FPR2: variants seen among roughly 807,000 people sequenced by gnomAD.
FPR2 encodes the protein N-formyl peptide receptor 2.
A neutral mutation model predicts 4.0 loss-of-function variants in FPR2; 3 were observed. That is an observed-to-expected ratio of 0.74 (90% CI 0.34 to 1.92). The LOEUF (loss-of-function observed/expected upper bound fraction) is 1.92. Ranked by LOEUF, FPR2 falls within the 30% of genes most tolerant of loss-of-function variation. The pLI is 0.07. For missense variants in FPR2, 372 were observed against 435.7 expected (o/e 0.85, Z 1.30); for synonymous variants, 179 against 171.5 (o/e 1.04, Z -0.34).
chr19:51,765,008 G>A (rs1431026993), intron 1 of FPR2, among the ~76,000 whole-genome samples: 2 of 152,122 alleles, frequency 1.3e-5, no homozygotes, highest in African/African-American at 4.8e-5. Context: ...TGTATTTTTA[G>A]TAGAGACAGG....
chr19:51,770,293 T>C lies in FPR2; in HGVS notation c.*579T>C. On this transcript the variant is annotated 3_prime_UTR_variant, in exon 2 of 2. Transcript: ENST00000340023. ...TTGAATTCCTGGAATAAACCACACT[T>C]AGTCCTGATGTACTTTAAATATTTA... 6.0e-6 allele frequency: 1 copy of C among 167,742 alleles called. No homozygotes were observed. The allele number at this position is 167,742 out of a possible 1,614,324, so 10.4% of individuals were successfully genotyped here. A position where few individuals can be genotyped will look rare whatever the true frequency, so the allele number is the denominator to read the frequency against.
intron 1 of FPR2, chr19:51,763,242 A>C (rs1004787485): frequency 1.3e-5 from 2 of 152,212 alleles, no homozygotes; most frequent in Admixed American, 1.3e-4. Context: ...GACACTCCTA[A>C]ATTTAGAGTC....
intron 1 of FPR2, among the ~76,000 whole-genome samples, chr19:51,766,742 C>T (rs72483942): frequency 0.079 from 12,048 of 152,106 alleles, 586 homozygotes; most frequent in South Asian, 0.17. Context: ...ATGAATTCCC[C>T]CAGATGTGAT....
In FPR2 at chr19:51,768,893, C is replaced by G; in HGVS notation, c.235C>G (p.Pro79Ala). The G allele has an allele frequency of 6.2e-7, 1 of 1,614,192 alleles. No homozygotes were observed. Among genetic ancestry groups the G allele is most frequent in the Non-Finnish European group, 8.5e-7 (1 of 1,180,026 alleles). Residue 79 changes from proline to alanine, a missense_variant, in exon 2 of 2, where the codon CCA (proline) becomes GCA (alanine). Transcript: ENST00000340023. ...LADFSFTATL[P>A]FLIVSMAMGE... ...TGACTTTTCTTTCACGGCCACATTACCATTCCTCATTGTCTCCATGGCCAT... is the reference window on the plus strand; with the variant it reads ...TGACTTTTCTTTCACGGCCACATTAGCATTCCTCATTGTCTCCATGGCCAT...
rs374503176 is a variant in FPR2, at chr19:51,769,291, C to T, written c.633C>T (p.Ser211=). Residue 211 remains serine (S), a synonymous_variant, in exon 2 of 2, where the codon AGC becomes AGT. Transcript: ENST00000340023. The surrounding 1 kb of genome is among the most constrained non-coding windows in gnomAD (Gnocchi z 4.4). ...RGIIRFVIGF[S]LPMSIVAICY... is the part of the protein sequence containing the mutation. ...TTATCCGGTTTGTCATTGGCTTTAGCTTGCCGATGTCCATTGTTGCCATCT... is the reference window on the plus strand; with the variant it reads ...TTATCCGGTTTGTCATTGGCTTTAGTTTGCCGATGTCCATTGTTGCCATCT... 1.3e-5 allele frequency: 21 copies of T among 1,614,098 alleles called. No individual in the cohort carries two copies. The highest frequency in any genetic ancestry group is 1.6e-5 in the Non-Finnish European group (19 of 1,180,052).
In FPR2 at chr19:51,769,068, G is replaced by A. The variant is rs144927349; in HGVS notation, c.410G>A (p.Arg137His). Residue 137 changes from arginine to histidine, a missense_variant, in exon 2 of 2, where the codon CGC becomes CAC. By Grantham distance (29) the Arg-to-His change is conservative. Coordinates refer to ENST00000340023, the MANE Select transcript of FPR2 (RefSeq NM_001005738.2). The surrounding 1 kb of genome is among the most constrained non-coding windows in gnomAD (Gnocchi z 4.4). ...VLHPVWAQNH[R>H]TVSLAMKVIV... ...CATCCAGTCTGGGCCCAGAACCACC[G>A]CACTGTGAGTCTGGCCATGAAGGTG... 299 of 1,614,160 alleles carry A rather than the reference G, an allele frequency of 1.9e-4. No individual in the cohort carries two copies. Among genetic ancestry groups the A allele is most frequent in the Non-Finnish European group, 2.3e-4 (272 of 1,180,044 alleles).
At position 51,767,647 on chromosome 19, in the gene FPR2, C is replaced by T. The variant is rs926335965; in HGVS notation, c.-14-998C>T. On this transcript the variant is annotated intron_variant, in intron 1 of 1. Transcript: ENST00000340023. ...TGGGGAACCGTTGCTGGGTGGGCAA[C>T]CAGCAATATCTGTCAAGCGTAAGGG... Among the ~76,000 whole-genome samples, 11 of 152,138 alleles carry T rather than the reference C, an allele frequency of 7.2e-5. 1 individual carries two copies. Among genetic ancestry groups the T allele is most frequent in the East Asian group, 1.9e-4 (1 of 5,160 alleles).
chr19:51,763,443 T>C (rs540184542), intron 1 of FPR2: 1 of 152,272 alleles, frequency 6.6e-6, no homozygotes, highest in East Asian at 1.9e-4. Flanking sequence ...GATATTGAGA[T>C]AAGAACCAAT....
rs1284273058 is a variant in FPR2, at chr19:51,769,328, A to G, written c.670A>G (p.Ile224Val). 5 of 1,614,154 alleles carry G rather than the reference A, an allele frequency of 3.1e-6. No individual in the cohort carries two copies. The highest frequency in any genetic ancestry group is 1.3e-5 in the African/African-American group (1 of 75,030). Residue 224 changes from isoleucine to valine, a missense_variant, in exon 2 of 2, where the codon ATT (isoleucine) becomes GTT (valine). Ile to Val is a conservative substitution (Grantham distance 29). Coordinates refer to ENST00000340023, the MANE Select transcript of FPR2 (RefSeq NM_001005738.2). The surrounding 1 kb of genome is among the most constrained non-coding windows in gnomAD (Gnocchi z 4.4). ...CATTGTTGCCATCTGCTATGGGCTC[A>G]TTGCAGCCAAGATCCACAAAAAGGG... ...MSIVAICYGL[I>V]AAKIHKKGMI... is the part of the protein sequence containing the mutation.
At chr19:51,766,910 G>A (rs1282377837) in intron 1 of FPR2, among the ~76,000 whole-genome samples, 1 of 152,204 alleles carries the variant, frequency 6.6e-6, no homozygotes, top group Non-Finnish European at 1.5e-5. Flanking sequence ...ATTCTAGAAT[G>A]AGATTTATGG....
rs2083885267 is a variant in FPR2, at chr19:51,769,116, C to T, written c.458C>T (p.Ala153Val). Residue 153 changes from alanine to valine, a missense_variant, in exon 2 of 2, where the codon GCT becomes GTT. Ala to Val is a moderately conservative substitution (Grantham distance 64). Coordinates refer to ENST00000340023, the MANE Select transcript of FPR2 (RefSeq NM_001005738.2). This position sits in a 1 kb window ranked among gnomAD's most constrained non-coding sequence, Gnocchi z 4.4. ...GTGATCGTCGGACCTTGGATTCTTG[C>T]TCTAGTCCTTACCTTGCCAGTTTTC... ...MKVIVGPWIL[A>V]LVLTLPVFLF... The T allele has an allele frequency of 6.2e-7, 1 of 1,614,196 alleles. No homozygotes were observed.
chr19:51,769,281 T>C lies in FPR2; in HGVS notation c.623T>C (p.Ile208Thr). 1.9e-6 allele frequency: 3 copies of C among 1,614,228 alleles called. No homozygotes were observed. Among genetic ancestry groups the C allele is most frequent in the Non-Finnish European group, 1.7e-6 (2 of 1,180,042 alleles). ...LTARGIIRFV[I>T]GFSLPMSIVA... ...GCCAGAGGGATTATCCGGTTTGTCA[T>C]TGGCTTTAGCTTGCCGATGTCCATT... Residue 208 changes from isoleucine (I) to threonine (T), a missense_variant, in exon 2 of 2, where the codon ATT becomes ACT. Physicochemically the swap from Ile to Thr is moderately conservative, Grantham distance 89 (BLOSUM62 -1). Coordinates refer to ENST00000340023, the MANE Select transcript of FPR2 (RefSeq NM_001005738.2). This position sits in a 1 kb window ranked among gnomAD's most constrained non-coding sequence, Gnocchi z 4.4.
Position 51,769,575 on chromosome 19 carries a change from G to T in FPR2, c.917G>T (p.Gly306Val). The T allele has an allele frequency of 6.2e-7, 1 of 1,614,128 alleles. No individual in the cohort carries two copies. Among genetic ancestry groups the T allele is most frequent in the Non-Finnish European group, 8.5e-7 (1 of 1,180,028 alleles). ...AACCCCATGCTTTACGTCTTTGTGG[G>T]CCAAGACTTCCGAGAGAGACTGATC... ...CLNPMLYVFV[G>V]QDFRERLIHS... Residue 306 changes from glycine (G) to valine (V), a missense_variant, in exon 2 of 2, where the codon GGC (glycine) becomes GTC (valine). By Grantham distance (109) the Gly-to-Val change is moderately radical. Transcript: ENST00000340023. The surrounding 1 kb of genome is among the most constrained non-coding windows in gnomAD (Gnocchi z 4.4).
chr19:51,768,553 G>A (rs1239008742), intron 1 of FPR2, 92 bp from the exon 2 acceptor site: 2 of 1,006,926 alleles, frequency 2.0e-6, no homozygotes, highest in African/African-American at 3.3e-5. Context: ...TGGTAGGAGT[G>A]GGAGCTTTAG....
chr19:51,764,219 G>C (rs779834160), intron 1 of FPR2, among the ~76,000 whole-genome samples: 3 of 152,164 alleles, frequency 2.0e-5, no homozygotes, highest in Non-Finnish European at 4.4e-5. Flanking sequence ...AGGGCATCCT[G>C]GGCCAATGCA....
chr19:51,761,571 G>A (rs1303824420), intron 1 of FPR2, among the ~76,000 whole-genome samples: 1 of 152,144 alleles, frequency 6.6e-6, no homozygotes, highest in African/African-American at 2.4e-5. Flanking sequence ...CTACTAGAAA[G>A]TTGTAAGTCA....
chr19:51,766,382 TG>T (rs58568374), intron 1 of FPR2, among the ~76,000 whole-genome samples: 96,378 of 151,968 alleles, frequency 0.63, 30,667 homozygotes, highest in East Asian at 0.7. Context: ...AACATCCTAC[TG>T]TGTCCAGAAC....
intron 1 of FPR2, among the ~76,000 whole-genome samples, chr19:51,766,622 C>T (rs1023736017): frequency 2.6e-5 from 4 of 152,124 alleles, no homozygotes; most frequent in East Asian, 1.9e-4. Flanking sequence ...GCAGGACTTC[C>T]GTATGCAAAG....
rs1183238299 is a variant in FPR2 at position 51,768,994 on chromosome 19, T to C, written c.336T>C (p.Ser112=). Residue 112 remains serine, a synonymous_variant, in exon 2 of 2, where the codon AGT becomes AGC. Coordinates refer to ENST00000340023, the MANE Select transcript of FPR2 (RefSeq NM_001005738.2). ...TGGTGGACATCAACCTCTTTGGAAG[T>C]GTCTTCTTGATTGGTTTCATTGCAC... The part of the protein sequence containing the change: ...HIVVDINLFG[S]VFLIGFIALD... The C allele has an allele frequency of 6.2e-7, 1 of 1,614,178 alleles. No homozygotes were observed. The highest frequency in any genetic ancestry group is 1.1e-5 in the South Asian group (1 of 91,078).
Sources: allele counts gnomAD v4.1 joint callset (sites outside exome capture counted in the v4.1 genomes callset), GRCh38; gene constraint gnomAD v4.1.1; non-coding constraint Gnocchi (gnomAD v3.1); transcripts MANE v1.5; gene names NCBI Gene and HGNC (gene_info 2026-07-23, HGNC 2026-07-21).